The following ANP32A variants were observed in gnomAD, a reference collection of about 807,000 sequenced individuals.
The protein encoded by ANP32A is acidic leucine-rich nuclear phosphoprotein 32 family member A.
A neutral mutation model predicts 33.9 loss-of-function variants in ANP32A; 1 was observed. The ratio of observed to expected loss-of-function variants is 0.03; its 90% CI spans 0.01 to 0.14. The LOEUF is 0.14. ANP32A is among the 10% of genes least tolerant of loss of function. The probability of loss-of-function intolerance (pLI) is 1.00; values close to 1 mark genes in which losing one functional copy is unlikely to be tolerated. For missense variants in ANP32A, 155 were observed against 306.0 expected (o/e 0.51, Z 3.68); for synonymous variants, 115 against 120.5 (o/e 0.95, Z 0.30).
chr15:68,796,910 A>C (rs1356130718), intron 1 of ANP32A, among the ~76,000 whole-genome samples: 2 of 151,924 alleles, frequency 1.3e-5, no homozygotes, highest in Non-Finnish European at 2.9e-5. Flanking sequence ...TGCCCACCCC[A>C]CATTCAAACT....
At chr15:68,784,250 A>T in intron 4 of ANP32A, 147 bp downstream of exon 4, 1 of 841,446 alleles carries the variant, frequency 1.2e-6, no homozygotes, top group Non-Finnish European at 1.9e-6. Context: ...TAGCTTTGGA[A>T]GGTGGTAGCT....
chr15:68,780,053 AG>A lies in ANP32A; in HGVS notation c.*27del. On this transcript the variant is annotated 3_prime_UTR_variant, in exon 7 of 7. Coordinates refer to ENST00000465139, the MANE Select transcript of ANP32A (RefSeq NM_006305.4). This position sits in a 1 kb window ranked among gnomAD's most constrained non-coding sequence, Gnocchi z 4.3. ...TGGGTAAAAACAGTCAAATCACAAT[AG>A]GAATTTTTCAAAATAGGTTATTCCA... The A allele has an allele frequency of 6.2e-7, 1 of 1,608,740 alleles. No homozygotes were observed. The highest frequency in any genetic ancestry group is 8.5e-7 in the Non-Finnish European group (1 of 1,175,578).
At chr15:68,807,648 T>C (rs1894253659) in intron 1 of ANP32A, among the ~76,000 whole-genome samples, 1 of 151,514 alleles carries the variant, frequency 6.6e-6, no homozygotes, top group Non-Finnish European at 1.5e-5. Flanking sequence ...ACCTTCAGGG[T>C]CCGTCTACAA....
At chr15:68,783,158 C>T (rs893640508) in intron 4 of ANP32A, 105 bp from the exon 5 acceptor site, 15 of 1,490,908 alleles carry the variant, frequency 1.0e-5, no homozygotes, top group Non-Finnish European at 4.5e-6. Flanking sequence ...GGCTCATGAC[C>T]CTCCCACACC....
chr15:68,811,770 C>G (rs1446348890), intron 1 of ANP32A, among the ~76,000 whole-genome samples: 3 of 152,134 alleles, frequency 2.0e-5, no homozygotes, highest in Non-Finnish European at 4.4e-5. Context: ...GAGTTTCGCT[C>G]GTTGCCCAGG....
rs1893837952 is a variant in ANP32A at position 68,779,561 on chromosome 15, T to C, written c.*520A>G. 1 of 153,844 alleles carries C rather than the reference T, an allele frequency of 6.5e-6. No individual in the cohort carries two copies. Among genetic ancestry groups the C allele is most frequent in the Non-Finnish European group, 1.4e-5 (1 of 69,178 alleles). The allele number at this position is 153,844 out of a possible 1,614,324, so 9.5% of individuals were successfully genotyped here. On this transcript the variant is annotated 3_prime_UTR_variant, in exon 7 of 7. Coordinates refer to ENST00000465139, the MANE Select transcript of ANP32A (RefSeq NM_006305.4). Reference sequence around the variant, plus strand: ...CCAGACCAGTGCCAAAATACGCCTTTAGGTTGCTATTTACAAACCAGGGCG... The same window carrying C: ...CCAGACCAGTGCCAAAATACGCCTTCAGGTTGCTATTTACAAACCAGGGCG...
intron 4 of ANP32A, 86 bp from the exon 5 acceptor site, chr15:68,783,139 T>C: frequency 6.5e-7 from 1 of 1,530,476 alleles, no homozygotes; most frequent in Non-Finnish European, 8.8e-7. Flanking sequence ...TGTAGCGTCT[T>C]CAGTGTGGGG....
intron 5 of ANP32A, chr15:68,782,689 C>A (rs571608298): frequency 2.0e-6 from 1 of 501,236 alleles, no homozygotes; most frequent in South Asian, 2.7e-5. Context: ...CACATAGAAA[C>A]AACGGCCAGG....
intron 5 of ANP32A, 80 bp downstream of exon 5, chr15:68,782,876 G>A (rs1893887033): frequency 4.6e-6 from 7 of 1,537,262 alleles, no homozygotes; most frequent in South Asian, 3.7e-5. Context: ...CTCCGGGGCT[G>A]CCAAGACTGA....
chr15:68,780,435 G>C lies in ANP32A; in HGVS notation c.663C>G (p.Asp221Glu). Residue 221 changes from aspartate (D) to glutamate (E), a missense_variant, in exon 6 of 7, where the codon GAC becomes GAG. Physicochemically the swap from Asp to Glu is conservative, Grantham distance 45. Around this residue, in one of 4 missense-constraint regions of ANP32A, gnomAD observed 63 missense variants for 82.8 expected, o/e 0.76. Transcript: ENST00000465139. The surrounding 1 kb of genome is among the most constrained non-coding windows in gnomAD (Gnocchi z 4.3). ...EEGYNDGEVD[D>E]EEDEEELGEE... ...CACCAAGCTCTTCTTCATCTTCCTC[G>C]TCATCTACCTCTCCATCGTTATAAC... 6.2e-7 allele frequency: 1 copy of C among 1,613,910 alleles called. No individual in the cohort carries two copies. Among genetic ancestry groups the C allele is most frequent in the Non-Finnish European group, 8.5e-7 (1 of 1,179,882 alleles).
At chr15:68,794,032 A>G (rs1168585253) in intron 1 of ANP32A, among the ~76,000 whole-genome samples, 1 of 152,120 alleles carries the variant, frequency 6.6e-6, no homozygotes, top group Non-Finnish European at 1.5e-5. Flanking sequence ...CTCAAGTTCA[A>G]TTTTTCTTCT....
intron 1 of ANP32A, among the ~76,000 whole-genome samples, chr15:68,796,497 G>A (rs551247225): frequency 3.4e-4 from 52 of 152,288 alleles, no homozygotes; most frequent in African/African-American, 1.2e-3. Context: ...TTACAGGCAT[G>A]AGCCACCACA....
At chr15:68,805,857 C>G (rs965122718) in intron 1 of ANP32A, among the ~76,000 whole-genome samples, 9 of 152,174 alleles carry the variant, frequency 5.9e-5, no homozygotes, top group African/African-American at 9.6e-5. Flanking sequence ...TGCTTGAAGG[C>G]TTACTACTGA....
At chr15:68,808,298 G>C (rs1452554386) in intron 1 of ANP32A, among the ~76,000 whole-genome samples, 1 of 152,148 alleles carries the variant, frequency 6.6e-6, no homozygotes, top group Non-Finnish European at 1.5e-5. Context: ...TATTGCTTCA[G>C]ATGCTCCCCT....
At chr15:68,818,180 T>G (rs1894414946) in intron 1 of ANP32A, 1 of 173,104 alleles carries the variant, frequency 5.8e-6, no homozygotes, top group African/African-American at 2.4e-5. Flanking sequence ...GGAGCCCGCA[T>G]TCCGAGCCCT....
At chr15:68,796,279 C>A (rs1476458718) in intron 1 of ANP32A, among the ~76,000 whole-genome samples, 2 of 152,168 alleles carry the variant, frequency 1.3e-5, no homozygotes, top group East Asian at 3.9e-4. Context: ...CAGGGTTTCA[C>A]CATGTTGGTC....
At position 68,778,804 on chromosome 15, in the gene ANP32A, A is replaced by AAT. The variant is rs1893826026; in HGVS notation, c.*1276_*1277insAT. The stretch of plus-strand genomic sequence containing the variant: ...ATCTCATAAGAAAAGCTATTCTATC[A>AAT]GGTAACAAAAATGAAGCTTCCCCCT... On this transcript the variant is annotated 3_prime_UTR_variant, in exon 7 of 7. Coordinates refer to ENST00000465139, the MANE Select transcript of ANP32A (RefSeq NM_006305.4). 2 of 152,310 alleles carry AAT rather than the reference A, an allele frequency of 1.3e-5. No homozygotes were observed. The highest frequency in any genetic ancestry group is 4.1e-4 in the South Asian group (2 of 4,824). 9.4% of individuals were successfully genotyped at this position (152,310 alleles called of 1,614,324 possible). A position where few individuals can be genotyped will look rare whatever the true frequency, so the allele number is the denominator to read the frequency against.
In ANP32A at chr15:68,779,838, G is replaced by T; in HGVS notation, c.*243C>A. On this transcript the variant is annotated 3_prime_UTR_variant, in exon 7 of 7. Transcript: ENST00000465139. ...ATCGCATTTACAGGGACAAAAACCG[G>T]ACACAAAGAAAAAGTAGGGGAAAAA... 1 of 518,780 alleles carries T rather than the reference G, an allele frequency of 1.9e-6. No individual in the cohort carries two copies. The highest frequency in any genetic ancestry group is 3.4e-5 in the Admixed American group (1 of 29,512). 32.1% of individuals were successfully genotyped at this position (518,780 alleles called of 1,614,324 possible). A position where few individuals can be genotyped will look rare whatever the true frequency, so the allele number is the denominator to read the frequency against.
chr15:68,788,787 C>CA (rs1455933970), intron 1 of ANP32A, among the ~76,000 whole-genome samples: 1 of 152,192 alleles, frequency 6.6e-6, no homozygotes, highest in Non-Finnish European at 1.5e-5. Context: ...AGATCTGTCT[C>CA]AAAGTCTGTG....
Sources: allele counts gnomAD v4.1 joint callset (sites outside exome capture counted in the v4.1 genomes callset), GRCh38; gene constraint gnomAD v4.1.1; regional missense constraint gnomAD v4.1.1; non-coding constraint Gnocchi (gnomAD v3.1); transcripts MANE v1.5; gene names NCBI Gene and HGNC (gene_info 2026-07-23, HGNC 2026-07-21).